NUMA1: variants seen among roughly 807,000 people sequenced by gnomAD.
NUMA1 encodes the protein SP-H antigen.
NUMA1 carries 62 observed loss-of-function variants against 237.1 expected under a neutral mutation model. The observed-to-expected ratio is 0.26, with a 90% CI of 0.21 to 0.32. The LOEUF (loss-of-function observed/expected upper bound fraction) is 0.32, where lower values mean the gene tolerates loss of function less well. Ranked by LOEUF, NUMA1 falls within the 10% of genes least tolerant of loss-of-function variation. The pLI, the probability that NUMA1 is intolerant of heterozygous loss-of-function variation, is 1.00. For missense variants in NUMA1, 2,533 were observed against 2,666.5 expected (o/e 0.95, Z 1.10); for synonymous variants, 1,028 against 1,066.1 (o/e 0.96, Z 0.70).
At chr11:72,048,854 GA>G (rs1447058908) in intron 2 of NUMA1, among the ~76,000 whole-genome samples, 1 of 152,300 alleles carries the variant, frequency 6.6e-6, no homozygotes, top group South Asian at 2.1e-4. Flanking sequence ...TCAAGGGTTA[GA>G]GGGGGAGGCT....
chr11:72,061,347 T>C (rs1335553969), intron 2 of NUMA1, among the ~76,000 whole-genome samples: 2 of 152,174 alleles, frequency 1.3e-5, no homozygotes, highest in African/African-American at 4.8e-5. Context: ...TAACTTTATA[T>C]GCAGTATAGG....
chr11:72,014,852 G>C lies in NUMA1; in HGVS notation c.2651C>G (p.Ala884Gly). The C allele has an allele frequency of 1.9e-6, 3 of 1,614,238 alleles. No individual in the cohort carries two copies. Among genetic ancestry groups the C allele is most frequent in the Non-Finnish European group, 2.5e-6 (3 of 1,180,044 alleles). The change falls in exon 15 of 27, where the codon GCA (alanine) becomes GGA (glycine). Residue 884 changes from alanine (A) to glycine (G), a missense_variant. This residue lies in a region of NUMA1 where 1,414 missense variants were observed against 1,508.1 expected (regional missense o/e 0.94). Transcript: ENST00000393695. This position sits in a 1 kb window ranked among gnomAD's most constrained non-coding sequence, Gnocchi z 4.6. ...TTCCTTCTCTTGGACCTGCTGGAGT[G>C]CTCTGGCCAGGTTGGCATGGAGCTC... ...LAELHANLAR[A>G]LQQVQEKEVR...
rs941500409 is a variant in NUMA1 at position 72,017,425 on chromosome 11, C to T, written c.1119+262G>A. ...TAGAAAAACAGACTGATTAACTTGTCCAAGATCCACATCTTGTGAACAGCA... is the reference window on the plus strand; with the variant it reads ...TAGAAAAACAGACTGATTAACTTGTTCAAGATCCACATCTTGTGAACAGCA... On this transcript the variant is annotated intron_variant, in intron 13 of 26. Coordinates refer to ENST00000393695, the MANE Select transcript of NUMA1 (RefSeq NM_006185.4). 1.4e-5 allele frequency: 7 copies of T among 512,404 alleles called. No individual in the cohort carries two copies. In the Admixed American group the frequency reaches 2.2e-4, roughly 16 times the overall value. 31.7% of individuals were successfully genotyped at this position (512,404 alleles called of 1,614,324 possible).
intron 2 of NUMA1, among the ~76,000 whole-genome samples, chr11:72,046,023 C>CGAGAG (rs1941975344): frequency 1.3e-5 from 2 of 152,216 alleles, no homozygotes; most frequent in East Asian, 3.9e-4. Flanking sequence ...TGAACCTTCC[C>CGAGAG]CTAGAACCCC....
chr11:72,008,507 T>C, intron 20 of NUMA1, 181 bp downstream of exon 20: 1 of 690,360 alleles, frequency 1.4e-6, no homozygotes. Context: ...ACGAAGCCTT[T>C]CTTGACCACT....
intron 2 of NUMA1, among the ~76,000 whole-genome samples, chr11:72,055,388 G>A (rs1029028986): frequency 6.6e-6 from 1 of 152,036 alleles, no homozygotes; most frequent in Non-Finnish European, 1.5e-5. Flanking sequence ...AAAAGCAACC[G>A]GGCCACGATG....
intron 2 of NUMA1, among the ~76,000 whole-genome samples, chr11:72,052,894 C>T (rs1434855665): frequency 2.0e-5 from 3 of 152,108 alleles, no homozygotes; most frequent in Admixed American, 1.3e-4. Flanking sequence ...GCAGCATGAT[C>T]AGGGCTATGT....
intron 22 of NUMA1, 101 bp downstream of exon 22, chr11:72,005,934 G>A: frequency 4.0e-6 from 4 of 1,002,538 alleles, no homozygotes; most frequent in Non-Finnish European, 6.0e-6. Context: ...GTAGCAAGGA[G>A]GCCAGCCTTG....
At chr11:72,003,802 A>G (rs1955442847) in intron 26 of NUMA1, 85 bp downstream of exon 26, 1 of 1,386,412 alleles carries the variant, frequency 7.2e-7, no homozygotes, top group Non-Finnish European at 1.0e-6. Flanking sequence ...GCGTGGCCCC[A>G]TCTTGGATGC....
At chr11:72,016,555 A>G in intron 13 of NUMA1, 25 bp from the exon 14 acceptor site, 1 of 1,610,428 alleles carries the variant, frequency 6.2e-7, no homozygotes, top group South Asian at 1.1e-5. Context: ...GACCCATGTG[A>G]ACAGAGAGGG....
At chr11:72,043,059 C>T (rs1941785515) in intron 2 of NUMA1, among the ~76,000 whole-genome samples, 1 of 152,046 alleles carries the variant, frequency 6.6e-6, no homozygotes, top group Admixed American at 6.6e-5. Flanking sequence ...GTGGAAGCTG[C>T]AGTGAGAGAC....
intron 2 of NUMA1, chr11:72,065,526 G>A (rs1448684516): frequency 6.6e-6 from 1 of 152,088 alleles, no homozygotes; most frequent in East Asian, 1.9e-4. Context: ...AAATATACAA[G>A]CACAAAATAC....
At position 72,018,417 on chromosome 11, in the gene NUMA1, T is replaced by A; in HGVS notation, c.839A>T (p.Glu280Val). The part of the protein sequence containing the change: ...ASPLEPKELE[E>V]LRDKNESLTM... The stretch of plus-strand genomic sequence containing the variant: ...GTACCTCTCATTCTTGTCACGCAGC[T>A]CCTCAAGCTCCTTGGGCTCCAGTGG... Residue 280 changes from glutamate to valine, a missense_variant, in exon 11 of 27, where the codon GAG becomes GTG. By Grantham distance (121) the Glu-to-Val change is moderately radical (BLOSUM62 -2). Around this residue, in one of 3 missense-constraint regions of NUMA1, gnomAD observed 1,414 missense variants for 1,508.1 expected, o/e 0.94. Transcript: ENST00000393695. 2 of 1,614,044 alleles carry A rather than the reference T, an allele frequency of 1.2e-6. No individual in the cohort carries two copies. Among genetic ancestry groups the A allele is most frequent in the South Asian group, 1.1e-5 (1 of 91,084 alleles).
At chr11:72,006,317 G>A (rs1955694651) in intron 21 of NUMA1, 54 bp from the exon 22 acceptor site, 1 of 1,499,618 alleles carries the variant, frequency 6.7e-7, no homozygotes, top group Non-Finnish European at 9.2e-7. Flanking sequence ...CTGTACAGAA[G>A]CTTCCCATTC....
rs1565188387 is a variant in NUMA1, at chr11:72,006,188, T to C, written c.5539A>G (p.Ser1847Gly). ...STRSAPASQA[S>G]LRATSSTQSL... ...TGAGTAGAGGAGGTGGCTCGCAGGC[T>C]AGCCTGGGAAGCAGGAGCAGACCGC... is the stretch of plus-strand genomic sequence containing the variant. The change falls in exon 22 of 27, where the codon AGC becomes GGC. Residue 1847 changes from serine (S) to glycine (G), a missense_variant. Coordinates refer to ENST00000393695, the MANE Select transcript of NUMA1 (RefSeq NM_006185.4). 1.9e-6 allele frequency: 3 copies of C among 1,614,124 alleles called. No individual in the cohort carries two copies. The highest frequency in any genetic ancestry group is 1.7e-6 in the Non-Finnish European group (2 of 1,180,016).
rs1320020088 is a variant in NUMA1, at chr11:72,003,348, G to A, written c.*179C>T. 6.6e-5 allele frequency: 43 copies of A among 655,296 alleles called. No homozygotes were observed. The highest frequency in any genetic ancestry group is 1.1e-5 in the Non-Finnish European group (4 of 361,502). The allele number at this position is 655,296 out of a possible 1,614,324, so 40.6% of individuals were successfully genotyped here. A position where few individuals can be genotyped will look rare whatever the true frequency, so the allele number is the denominator to read the frequency against. Reference sequence around the variant, plus strand: ...TCCAGGCCCCCTGGGCCAGCTCCGAGAAGGCGCCAGTGAAGGACCAGGGAC... The same window carrying A: ...TCCAGGCCCCCTGGGCCAGCTCCGAAAAGGCGCCAGTGAAGGACCAGGGAC... On this transcript the variant is annotated 3_prime_UTR_variant, in exon 27 of 27. Coordinates refer to ENST00000393695, the MANE Select transcript of NUMA1 (RefSeq NM_006185.4).
chr11:72,005,996 C>T, intron 22 of NUMA1, 39 bp downstream of exon 22: 1 of 1,486,842 alleles, frequency 6.7e-7, no homozygotes, highest in South Asian at 1.2e-5. Flanking sequence ...ACCTTCCAGT[C>T]TAATTTTGGG....
chr11:72,010,886 G>C, intron 16 of NUMA1, 32 bp from the exon 17 acceptor site: 1 of 1,593,758 alleles, frequency 6.3e-7, no homozygotes, highest in Non-Finnish European at 8.6e-7. Flanking sequence ...AGAAGACTCA[G>C]GAGGACTTCC....
rs777276380 is a variant in NUMA1 at position 72,006,085 on chromosome 11, C to T, written c.5642G>A (p.Arg1881His). Residue 1881 changes from arginine to histidine, a missense_variant, in exon 22 of 27, where the codon CGC becomes CAC. Arg to His is a conservative substitution (Grantham distance 29). Around this residue, in one of 3 missense-constraint regions of NUMA1, gnomAD observed 795 missense variants for 750.8 expected, o/e 1.06. Coordinates refer to ENST00000393695, the MANE Select transcript of NUMA1 (RefSeq NM_006185.4). ...LSLPGYRPTT[R>H]SSARRSQAGV... is the part of the protein sequence containing the mutation. ...GGCCTGGGAACGACGAGCAGAACTGCGAGTGGTGGGGCGGTAGCCAGGCAA... is the reference window on the plus strand; with the variant it reads ...GGCCTGGGAACGACGAGCAGAACTGTGAGTGGTGGGGCGGTAGCCAGGCAA... The T allele has an allele frequency of 9.3e-6, 15 of 1,613,816 alleles. No homozygotes were observed. Among genetic ancestry groups the T allele is most frequent in the East Asian group, 6.7e-5 (3 of 44,890 alleles).
Sources: allele counts gnomAD v4.1 joint callset (sites outside exome capture counted in the v4.1 genomes callset), GRCh38; gene constraint gnomAD v4.1.1; regional missense constraint gnomAD v4.1.1; non-coding constraint Gnocchi (gnomAD v3.1); transcripts MANE v1.5; gene names NCBI Gene and HGNC (gene_info 2026-07-23, HGNC 2026-07-21).